The following ARK2C variants were observed in gnomAD, a reference collection of about 807,000 sequenced individuals.
The protein encoded by ARK2C is arkadia (RNF111) C-terminal like ring finger ubiquitin ligase 2C.
chr18:46,405,332 G>A, the ARK2C span, among the ~76,000 whole-genome samples: 1 of 152,172 alleles, frequency 6.6e-6, no homozygotes, highest in Non-Finnish European at 1.5e-5. Flanking sequence ...CTGGGAGCCA[G>A]GGAAGCTCTG....
the ARK2C span, among the ~76,000 whole-genome samples, chr18:46,432,711 A>G: frequency 9.5e-4 from 144 of 152,038 alleles, no homozygotes; most frequent in Admixed American, 1.8e-3. Context: ...TAATCCCAGC[A>G]CTTTGGGAGG....
chr18:46,362,924 T>C, the ARK2C span, among the ~76,000 whole-genome samples: 1 of 152,160 alleles, frequency 6.6e-6, no homozygotes, highest in Non-Finnish European at 1.5e-5. Context: ...GGAGGGATAG[T>C]GGCCAAGAAT....
the ARK2C span, chr18:46,334,096 C>T: frequency 6.1e-6 from 1 of 164,524 alleles, no homozygotes; most frequent in African/African-American, 2.4e-5. The surrounding 1 kb of genome is among the most constrained non-coding windows in gnomAD (Gnocchi z 4.4). Context: ...GGAAGGGAGC[C>T]TTTCCATGGG....
At chr18:46,410,156 A>C in the ARK2C span, among the ~76,000 whole-genome samples, 1 of 152,000 alleles carries the variant, frequency 6.6e-6, no homozygotes, top group Non-Finnish European at 1.5e-5. Context: ...AGGTCACATG[A>C]CCTCAGGGCC....
the ARK2C span, among the ~76,000 whole-genome samples, chr18:46,349,070 G>C: frequency 6.6e-6 from 1 of 152,082 alleles, no homozygotes; most frequent in Non-Finnish European, 1.5e-5. Context: ...TGGAGGTAGG[G>C]AGACTGAGAA....
chr18:46,383,802 T>C, the ARK2C span, among the ~76,000 whole-genome samples: 17 of 151,906 alleles, frequency 1.1e-4, no homozygotes, highest in East Asian at 1.4e-3. Flanking sequence ...CCGCCCACCT[T>C]GGCCTCCCAA....
the ARK2C span, chr18:46,456,886 A>G: frequency 1.1e-4 from 55 of 485,910 alleles, 1 homozygote; most frequent in Admixed American, 5.0e-4. Context: ...GGCGGTGCCC[A>G]GCGCAAGGGC....
chr18:46,386,458 T>C, the ARK2C span: 1 of 151,134 alleles, frequency 6.6e-6, no homozygotes, highest in Non-Finnish European at 1.5e-5. Flanking sequence ...TTAATATCAA[T>C]TTTTTTTTCC....
the ARK2C span, among the ~76,000 whole-genome samples, chr18:46,338,365 C>T: frequency 7.9e-5 from 12 of 152,246 alleles, no homozygotes; most frequent in Admixed American, 1.3e-4. Flanking sequence ...GGGCCAGCAG[C>T]GGACCTGTTA....
At chr18:46,364,796 C>T in the ARK2C span, among the ~76,000 whole-genome samples, 1 of 152,168 alleles carries the variant, frequency 6.6e-6, no homozygotes, top group Non-Finnish European at 1.5e-5. Context: ...ATAGAACCTG[C>T]AGAAGAGTCA....
At chr18:46,423,739 C>T in the ARK2C span, among the ~76,000 whole-genome samples, 18 of 152,370 alleles carry the variant, frequency 1.2e-4, no homozygotes, top group Non-Finnish European at 2.1e-4. Context: ...ATTTCCTGGC[C>T]TCCAGATCTT....
At chr18:46,385,367 T>C in the ARK2C span, among the ~76,000 whole-genome samples, 1 of 152,156 alleles carries the variant, frequency 6.6e-6, no homozygotes, top group East Asian at 1.9e-4. Flanking sequence ...AGGAAGGACT[T>C]GCATGTGCCT....
At chr18:46,383,685 G>C in the ARK2C span, among the ~76,000 whole-genome samples, 1 of 151,514 alleles carries the variant, frequency 6.6e-6, no homozygotes, top group Non-Finnish European at 1.5e-5. Context: ...CTCCCGAGTA[G>C]CTGGGACTAC....
chr18:46,448,649 G>A, the ARK2C span, among the ~76,000 whole-genome samples: 4 of 152,168 alleles, frequency 2.6e-5, no homozygotes, highest in East Asian at 1.9e-4. Flanking sequence ...AGATCCCAGC[G>A]GGAGCTCTTG....
chr18:46,400,781 T>TG, the ARK2C span, among the ~76,000 whole-genome samples: 3 of 152,146 alleles, frequency 2.0e-5, no homozygotes, highest in Non-Finnish European at 4.4e-5. Flanking sequence ...GTCACTGTGC[T>TG]CCTAATGGCA....
chr18:46,386,999 T>C, the ARK2C span: 1 of 152,274 alleles, frequency 6.6e-6, no homozygotes, highest in Admixed American at 6.5e-5. Flanking sequence ...AACCAGGCAC[T>C]TGGCCAACAT....
chr18:46,397,882 T>G, the ARK2C span, among the ~76,000 whole-genome samples: 1 of 132,776 alleles, frequency 7.5e-6, no homozygotes, highest in Non-Finnish European at 1.6e-5. Context: ...GTGTGTGTGA[T>G]CATGCTGAGG....
the ARK2C span, among the ~76,000 whole-genome samples, chr18:46,428,477 T>C: frequency 6.6e-6 from 1 of 152,186 alleles, no homozygotes; most frequent in African/African-American, 2.4e-5. Context: ...ATTTCACCAG[T>C]AAGCAGTGGT....
the ARK2C span, among the ~76,000 whole-genome samples, chr18:46,391,400 C>T: frequency 0.17 from 26,084 of 152,050 alleles, 2,474 homozygotes; most frequent in East Asian, 0.3. Flanking sequence ...AGGCCTAGTA[C>T]GGGGCTGGGC....
Sources: allele counts gnomAD v4.1 joint callset (sites outside exome capture counted in the v4.1 genomes callset), GRCh38; gene constraint gnomAD v4.1.1; non-coding constraint Gnocchi (gnomAD v3.1); transcripts MANE v1.5; gene names NCBI Gene and HGNC (gene_info 2026-07-23, HGNC 2026-07-21).